Variants in SPON1 observed in about 807,000 individuals in gnomAD.
The protein encoded by SPON1 is spondin 1.
In SPON1, 52 loss-of-function variants were observed where a neutral mutation model predicts 111.7. The ratio of observed to expected loss-of-function variants is 0.47; its 90% CI spans 0.37 to 0.59. The LOEUF (loss-of-function observed/expected upper bound fraction) is 0.59, where lower values mean the gene tolerates loss of function less well. Among genes scored for constraint, SPON1 ranks in the 20% least tolerant of loss-of-function variants. The pLI is 0.00. For missense variants in SPON1, 957 were observed against 1,068.5 expected, an observed-to-expected ratio of 0.90 and a Z score of 1.46; for synonymous variants, 410 against 395.8, an observed-to-expected ratio of 1.04 and a Z score of -0.43.
intron 6 of SPON1, among the ~76,000 whole-genome samples, chr11:14,166,622 A>G (rs201072412): frequency 2.0e-5 from 3 of 152,326 alleles, no homozygotes; most frequent in African/African-American, 4.8e-5. Context: ...ACAAAAGTCT[A>G]TAGCCACTAT....
In SPON1 at chr11:14,079,881, C is replaced by T. The variant is rs1470939848; in HGVS notation, c.554-18C>T. On this transcript the variant is annotated intron_variant, in intron 4 of 15. Transcript: ENST00000576479. ...CCACGTTTACTTTCTAACTTGGTGA[C>T]TTTTCTGACTGTTTCAGATTCCACA... 1.2e-6 allele frequency: 2 copies of T among 1,613,776 alleles called. No individual in the cohort carries two copies. Among genetic ancestry groups the T allele is most frequent in the African/African-American group, 1.3e-5 (1 of 74,930 alleles).
chr11:13,986,189 T>C (rs1848181048), intron 2 of SPON1, among the ~76,000 whole-genome samples: 1 of 152,138 alleles, frequency 6.6e-6, no homozygotes. Context: ...CTGACCTCTG[T>C]TGCTGAAAGT....
intron 6 of SPON1, among the ~76,000 whole-genome samples, chr11:14,207,017 G>T (rs782487796): frequency 2.0e-5 from 3 of 152,102 alleles, no homozygotes; most frequent in Non-Finnish European, 2.9e-5. Context: ...AAAAAAACAT[G>T]GTACTGGTAC....
At chr11:14,246,095 G>T (rs1848986202) in intron 7 of SPON1, among the ~76,000 whole-genome samples, 1 of 152,218 alleles carries the variant, frequency 6.6e-6, no homozygotes, top group Non-Finnish European at 1.5e-5. Context: ...GGGGATGAAA[G>T]GCAGGTAGGG....
chr11:13,998,198 C>T (rs1320914542), intron 2 of SPON1, among the ~76,000 whole-genome samples: 15 of 152,196 alleles, frequency 9.9e-5, no homozygotes, highest in Admixed American at 9.8e-4. Context: ...AAAGTTAACA[C>T]TGAGGGAATC....
intron 2 of SPON1, among the ~76,000 whole-genome samples, chr11:14,036,225 T>A (rs1848593349): frequency 6.6e-6 from 1 of 152,212 alleles, no homozygotes; most frequent in African/African-American, 2.4e-5. Context: ...TTTGTGTTTT[T>A]AAAAGGCCTG....
intron 6 of SPON1, among the ~76,000 whole-genome samples, chr11:14,189,977 A>C (rs1213345174): frequency 6.6e-6 from 1 of 152,176 alleles, no homozygotes; most frequent in Non-Finnish European, 1.5e-5. Flanking sequence ...TCTTTTGGTA[A>C]CTCCTTGAAT....
chr11:14,205,611 G>A (rs1293869745), intron 6 of SPON1, among the ~76,000 whole-genome samples: 1 of 152,136 alleles, frequency 6.6e-6, no homozygotes, highest in Non-Finnish European at 1.5e-5. Context: ...AAGAGATATT[G>A]TATAGAGGTC....
At chr11:14,220,907 G>A (rs576288317) in intron 6 of SPON1, among the ~76,000 whole-genome samples, 1 of 152,248 alleles carries the variant, frequency 6.6e-6, no homozygotes, top group East Asian at 1.9e-4. Flanking sequence ...GAACAAAGTG[G>A]CAAGCTTTTC....
chr11:14,090,440 G>A (rs1849041495), intron 5 of SPON1, among the ~76,000 whole-genome samples: 2 of 152,170 alleles, frequency 1.3e-5, no homozygotes. Context: ...CCCTCGTAGT[G>A]AGTGTTACAG....
intron 2 of SPON1, among the ~76,000 whole-genome samples, chr11:14,009,378 G>A (rs1311521168): frequency 6.6e-6 from 1 of 152,112 alleles, no homozygotes; most frequent in Non-Finnish European, 1.5e-5. Context: ...CTGCCCCAGG[G>A]TATGTGTAGA....
chr11:14,260,594 T>C lies in SPON1; in HGVS notation c.1838T>C (p.Ile613Thr), dbSNP rs1554941812. Residue 613 changes from isoleucine (I) to threonine (T), a missense_variant, in exon 14 of 16, where the codon ATC becomes ACC. By Grantham distance (89) the Ile-to-Thr change is moderately conservative. This residue lies in a region of SPON1 where 549 missense variants were observed against 606.2 expected (regional missense o/e 0.91). Coordinates refer to ENST00000576479, the MANE Select transcript of SPON1 (RefSeq NM_006108.4). ...EKCMMPECHT[I>T]PCLLSPWSEW... ...AACCTGGTTCTTGATCTAGACACCA[T>C]CCCATGCTTGCTGTCCCCATGGTCC... is the stretch of plus-strand genomic sequence containing the variant. 1 of 1,613,294 alleles carries C rather than the reference T, an allele frequency of 6.2e-7. No individual in the cohort carries two copies. The highest frequency in any genetic ancestry group is 2.2e-5 in the East Asian group (1 of 44,878).
At chr11:14,061,714 A>G (rs1554919886) in intron 3 of SPON1, among the ~76,000 whole-genome samples, 2 of 152,244 alleles carry the variant, frequency 1.3e-5, no homozygotes, top group African/African-American at 2.4e-5. Flanking sequence ...CTTGGAGGCT[A>G]TTTAGTCAAC....
intron 2 of SPON1, among the ~76,000 whole-genome samples, chr11:14,026,756 C>T (rs10832163): frequency 0.3 from 45,242 of 151,982 alleles, 7,878 homozygotes; most frequent in South Asian, 0.51. Flanking sequence ...TTGGAGAGTC[C>T]TTCTCTTCTA....
chr11:14,240,250 T>C (rs1370256518), intron 6 of SPON1, among the ~76,000 whole-genome samples: 1 of 152,238 alleles, frequency 6.6e-6, no homozygotes, highest in Non-Finnish European at 1.5e-5. Context: ...CTCTGATCCT[T>C]ATAGAAGTTA....
intron 6 of SPON1, among the ~76,000 whole-genome samples, chr11:14,170,692 G>T (rs1395083073): frequency 6.6e-6 from 1 of 152,066 alleles, no homozygotes; most frequent in African/African-American, 2.4e-5. Context: ...TTTATTGAGA[G>T]TTTTTAGCAT....
rs781812449 is a variant in SPON1, at chr11:14,222,081, A to G, written c.826-21251A>G. On this transcript the variant is annotated intron_variant, in intron 6 of 15. Transcript: ENST00000576479. The stretch of plus-strand genomic sequence containing the variant: ...TCCTATGAACTCATTTGGGAACTCA[A>G]TGACAGGTGATACAATGGCCTAAGC... 8.3e-4 allele frequency among the ~76,000 whole-genome samples: 127 copies of G among 152,356 alleles called. 1 individual carries two copies. Among genetic ancestry groups the G allele is most frequent in the South Asian group, 1.0e-3 (5 of 4,832 alleles).
intron 2 of SPON1, among the ~76,000 whole-genome samples, chr11:14,038,972 T>C (rs1848613820): frequency 6.6e-6 from 1 of 152,150 alleles, no homozygotes; most frequent in African/African-American, 2.4e-5. Context: ...AGTGAGTGGA[T>C]AAACTGTGGT....
chr11:14,139,702 C>A (rs1554928559), intron 6 of SPON1, among the ~76,000 whole-genome samples: 1 of 117,598 alleles, frequency 8.5e-6, no homozygotes, highest in Non-Finnish European at 1.9e-5. Context: ...AAAAGGAAAA[C>A]ATGTAAAATA....
Sources: gnomAD v4.1 joint callset for allele counts (sites outside exome capture counted in the v4.1 genomes callset) on GRCh38, gnomAD v4.1.1 for gene constraint, gnomAD v4.1.1 regional missense constraint, MANE v1.5 for transcripts, NCBI Gene and HGNC (gene_info 2026-07-23, HGNC 2026-07-21) for gene names.